Variants in DNAH5 observed in about 807,000 individuals in gnomAD.
DNAH5 encodes axonemal beta dynein heavy chain 5.
A neutral mutation model predicts 518.2 loss-of-function variants in DNAH5; 372 were observed. That is an observed-to-expected ratio of 0.72 (90% CI 0.66 to 0.78). The LOEUF is 0.78. Among genes scored for constraint, DNAH5 ranks in the 30% least tolerant of loss-of-function variants. The pLI is 0.00. For synonymous variants in DNAH5, 2,039 were observed against 2,025.9 expected (o/e 1.01, Z -0.17); for missense variants, 5,523 against 5,687.0 (o/e 0.97, Z 0.93).
chr5:13,896,633 T>C (rs1773949619), intron 15 of DNAH5: 1 of 152,226 alleles, frequency 6.6e-6, no homozygotes, highest in African/African-American at 2.4e-5. Flanking sequence ...CTTTGTCCAG[T>C]GAGCCTGAAC....
chr5:13,963,494 G>A (rs553379044), intron 1 of DNAH5, among the ~76,000 whole-genome samples: 3 of 152,002 alleles, frequency 2.0e-5, no homozygotes, highest in South Asian at 2.1e-4. Flanking sequence ...AGGAAGAATC[G>A]CTTGAACCCG....
At chr5:13,936,855 G>A (rs1248612105) in intron 1 of DNAH5, among the ~76,000 whole-genome samples, 1 of 152,206 alleles carries the variant, frequency 6.6e-6, no homozygotes, top group Non-Finnish European at 1.5e-5. Context: ...GCAGCCAGCA[G>A]AAGTGGATGG....
chr5:13,781,216 C>T (rs992598326), intron 52 of DNAH5, among the ~76,000 whole-genome samples: 3 of 152,074 alleles, frequency 2.0e-5, no homozygotes, highest in Non-Finnish European at 2.9e-5. Context: ...AGTCAACACA[C>T]AGCCGAGACC....
chr5:13,700,354 C>T (rs1741929766), intron 78 of DNAH5, among the ~76,000 whole-genome samples: 1 of 152,170 alleles, frequency 6.6e-6, no homozygotes, highest in African/African-American at 2.4e-5. Context: ...TTAATTATGC[C>T]AAACATTTCT....
rs756687157 is a variant in DNAH5 at position 13,862,749 on chromosome 5, T to A, written c.4597-2A>T. Reference sequence around the variant, plus strand: ...TTTCACCGCACTGATACAGATGTCCTATCAAAATGGCAAGCTCTCATGTTA... The same window carrying A: ...TTTCACCGCACTGATACAGATGTCCAATCAAAATGGCAAGCTCTCATGTTA... On this transcript the variant is annotated splice_acceptor_variant, in intron 28 of 78. Transcript: ENST00000265104. LOFTEE classifies it high-confidence loss of function. 1 of 1,610,148 alleles carries A rather than the reference T, an allele frequency of 6.2e-7. No individual in the cohort carries two copies. The highest frequency in any genetic ancestry group is 1.1e-5 in the South Asian group (1 of 90,968).
At chr5:13,808,497 C>T (rs1012931993) in intron 46 of DNAH5, among the ~76,000 whole-genome samples, 1 of 152,116 alleles carries the variant, frequency 6.6e-6, no homozygotes, top group African/African-American at 2.4e-5. Flanking sequence ...TGGGGAAAAG[C>T]AAGTCAAAAT....
chr5:13,826,265 T>C (rs1466946446), intron 38 of DNAH5, among the ~76,000 whole-genome samples: 1 of 152,104 alleles, frequency 6.6e-6, no homozygotes, highest in African/African-American at 2.4e-5. Context: ...GTGAGGGAAG[T>C]AGTGAAGTGG....
intron 24 of DNAH5, among the ~76,000 whole-genome samples, chr5:13,868,753 CAT>C (rs1461159802): frequency 6.6e-6 from 1 of 152,156 alleles, no homozygotes; most frequent in Non-Finnish European, 1.5e-5. Context: ...ACCTCAGTGC[CAT>C]AAACTGGATC....
At chr5:13,714,314 A>G in intron 75 of DNAH5, 91 bp downstream of exon 75, 1 of 1,336,902 alleles carries the variant, frequency 7.5e-7, no homozygotes, top group South Asian at 1.2e-5. Flanking sequence ...TTTCAGGAAA[A>G]TCATTTTTTG....
At chr5:13,847,745 A>G (rs1354295873) in intron 31 of DNAH5, among the ~76,000 whole-genome samples, 1 of 151,860 alleles carries the variant, frequency 6.6e-6, no homozygotes, top group Non-Finnish European at 1.5e-5. Context: ...AAGGAGAAAA[A>G]AAAAATAAAG....
In DNAH5 at chr5:13,811,703, C is replaced by A; in HGVS notation, c.7351G>T (p.Glu2451Ter). The A allele has an allele frequency of 6.2e-7, 1 of 1,614,144 alleles. No individual in the cohort carries two copies. Among genetic ancestry groups the A allele is most frequent in the Non-Finnish European group, 8.5e-7 (1 of 1,180,026 alleles). Residue 2451 changes from glutamate to a stop codon, truncating the protein, a stop_gained, in exon 44 of 79, where the codon GAG becomes TAG. Transcript: ENST00000265104. LOFTEE classifies it high-confidence loss of function. ...ATGCTCTGTGTGATGACAAAGGCCTCCAGCACCTCCATCTTGTATTCTAAG... is the reference window on the plus strand; with the variant it reads ...ATGCTCTGTGTGATGACAAAGGCCTACAGCACCTCCATCTTGTATTCTAAG... ...QNLEYKMEVL[E>*]AFVITQSINM... is the part of the protein sequence containing the mutation.
At chr5:13,906,936 GAATA>G (rs1461036691) in intron 12 of DNAH5, among the ~76,000 whole-genome samples, 1 of 151,766 alleles carries the variant, frequency 6.6e-6, no homozygotes, top group Non-Finnish European at 1.5e-5. Context: ...AAAAATAACA[GAATA>G]AATTCCAAAG....
chr5:13,790,365 C>A (rs1756768038), intron 50 of DNAH5, among the ~76,000 whole-genome samples: 1 of 152,102 alleles, frequency 6.6e-6, no homozygotes, highest in Non-Finnish European at 1.5e-5. Flanking sequence ...TACTATGCAG[C>A]CATAAAAAAG....
At chr5:13,792,573 C>T (rs1215988448) in intron 49 of DNAH5, among the ~76,000 whole-genome samples, 1 of 152,192 alleles carries the variant, frequency 6.6e-6, no homozygotes, top group Admixed American at 6.5e-5. Context: ...TTTCTAGTTT[C>T]TGTCATTGCC....
intron 75 of DNAH5, among the ~76,000 whole-genome samples, chr5:13,712,534 A>G (rs1202936653): frequency 6.6e-6 from 1 of 152,202 alleles, no homozygotes; most frequent in Non-Finnish European, 1.5e-5. Context: ...TGAACAAACA[A>G]CCCACAGAGT....
intron 40 of DNAH5, 133 bp downstream of exon 40, chr5:13,823,130 A>G: frequency 1.3e-6 from 1 of 769,400 alleles, no homozygotes; most frequent in South Asian, 1.4e-5. Context: ...CCCTTAAGAC[A>G]GCAGTGTTAG....
Position 13,820,429 on chromosome 5 carries a change from C to G in DNAH5, c.6758G>C (p.Arg2253Thr). 3 of 1,614,094 alleles carry G rather than the reference C, an allele frequency of 1.9e-6. No individual in the cohort carries two copies. The highest frequency in any genetic ancestry group is 1.3e-5 in the African/African-American group (1 of 75,050). The change falls in exon 41 of 79, where the codon AGA becomes ACA. Residue 2253 changes from arginine to threonine, a missense_variant. This residue lies in a region of DNAH5 where 5,121 missense variants were observed against 5,223.3 expected (regional missense o/e 0.98). Transcript: ENST00000265104. ...CAGAGTCATCATCCCATGTCGCACT[C>G]TCTGCGTTTCGAATAGCTGGATGAC... ...LKVIQLFETQ[R>T]VRHGMMTLGP...
At chr5:13,731,969 C>T (rs934457610) in intron 68 of DNAH5, among the ~76,000 whole-genome samples, 1 of 152,032 alleles carries the variant, frequency 6.6e-6, no homozygotes, top group African/African-American at 2.4e-5. Context: ...TTCATCTCTA[C>T]AAAAAATTTA....
chr5:13,809,387 C>T (rs1760229567), intron 45 of DNAH5, among the ~76,000 whole-genome samples: 1 of 152,012 alleles, frequency 6.6e-6, no homozygotes, highest in South Asian at 2.1e-4. Flanking sequence ...AGGTGGTAAA[C>T]CTAGGAAATA....
Sources: gnomAD v4.1 joint callset for allele counts (sites outside exome capture counted in the v4.1 genomes callset) on GRCh38, gnomAD v4.1.1 for gene constraint, gnomAD v4.1.1 regional missense constraint, MANE v1.5 for transcripts, NCBI Gene and HGNC (gene_info 2026-07-23, HGNC 2026-07-21) for gene names.